TYW1B: variants seen among roughly 807,000 people sequenced by gnomAD.
The protein encoded by TYW1B is S-adenosyl-L-methionine-dependent tRNA 4-demethylwyosine synthase TYW1B.
Under a neutral mutation model 86.9 loss-of-function variants are expected in TYW1B, and 73 were observed. The observed-to-expected ratio is 0.84, with a 90% CI of 0.70 to 1.02. The LOEUF (loss-of-function observed/expected upper bound fraction) is 1.02, where lower values mean the gene tolerates loss of function less well. Ranked by LOEUF, TYW1B falls within the 50% of genes least tolerant of loss-of-function variation. The pLI is 0.00. For missense variants in TYW1B, 637 were observed against 827.4 expected (o/e 0.77, Z 2.82); for synonymous variants, 248 against 292.8 (o/e 0.85, Z 1.56).
At chr7:72,813,330 C>G (rs1355122456) in intron 3 of TYW1B, among the ~76,000 whole-genome samples, 6 of 152,108 alleles carry the variant, frequency 3.9e-5, no homozygotes, top group African/African-American at 1.4e-4. Context: ...CACCCACCAC[C>G]AAGCCCAGCT....
chr7:72,798,645 C>T (rs1159619792), intron 6 of TYW1B, among the ~76,000 whole-genome samples: 1 of 152,068 alleles, frequency 6.6e-6, no homozygotes, highest in Non-Finnish European at 1.5e-5. Flanking sequence ...ACAACTGGGC[C>T]TGCTGGATCA....
At chr7:72,704,030 C>T (rs1158592709) in intron 10 of TYW1B, among the ~76,000 whole-genome samples, 1 of 152,100 alleles carries the variant, frequency 6.6e-6, no homozygotes, top group African/African-American at 2.4e-5. Context: ...TACTACTGTT[C>T]CTCCCGCTTT....
chr7:72,820,976 T>TTTG (rs1339728770), intron 2 of TYW1B, among the ~76,000 whole-genome samples: 1 of 152,090 alleles, frequency 6.6e-6, no homozygotes, highest in Non-Finnish European at 1.5e-5. Context: ...TTAGATTTTT[T>TTTG]TTGTTGTTGT....
At chr7:72,742,138 TGTTTG>T (rs1445378593) in intron 8 of TYW1B, among the ~76,000 whole-genome samples, 1 of 152,218 alleles carries the variant, frequency 6.6e-6, no homozygotes, top group African/African-American at 2.4e-5. Flanking sequence ...GTTTTTCATT[TGTTTG>T]TTTTGAGACA....
intron 11 of TYW1B, among the ~76,000 whole-genome samples, chr7:72,662,897 C>T (rs1554444677): frequency 2.0e-5 from 3 of 152,162 alleles, no homozygotes; most frequent in Non-Finnish European, 4.4e-5. Context: ...TTTCAAATGT[C>T]AACTTGAGAA....
intron 11 of TYW1B, among the ~76,000 whole-genome samples, chr7:72,633,281 C>T (rs1399734648): frequency 2.0e-5 from 3 of 152,186 alleles, no homozygotes; most frequent in African/African-American, 7.2e-5. Context: ...ATGAGTTAGC[C>T]CTGCTCTGCA....
At chr7:72,685,760 T>G (rs1292358583) in intron 11 of TYW1B, among the ~76,000 whole-genome samples, 1 of 152,162 alleles carries the variant, frequency 6.6e-6, no homozygotes, top group East Asian at 1.9e-4. Context: ...AAATAACTTT[T>G]TAGATAGCAA....
chr7:72,598,265 C>T (rs1403916439), intron 13 of TYW1B, among the ~76,000 whole-genome samples: 1 of 152,108 alleles, frequency 6.6e-6, no homozygotes, highest in African/African-American at 2.4e-5. Context: ...TTCCTGCCCT[C>T]GAACATCGGA....
intron 6 of TYW1B, among the ~76,000 whole-genome samples, chr7:72,798,386 G>A (rs35499251): frequency 0.056 from 8,453 of 150,104 alleles, 548 homozygotes; most frequent in East Asian, 0.33. Context: ...GCAAGACTCC[G>A]TCTCAAAAAA....
intron 9 of TYW1B, among the ~76,000 whole-genome samples, chr7:72,714,376 G>C (rs1331329829): frequency 1.3e-5 from 2 of 152,018 alleles, no homozygotes; most frequent in Non-Finnish European, 2.9e-5. Context: ...CAGCACTTTG[G>C]GAGGCCAAGG....
intron 7 of TYW1B, among the ~76,000 whole-genome samples, chr7:72,750,822 G>A (rs1787486840): frequency 6.6e-6 from 1 of 152,100 alleles, no homozygotes; most frequent in African/African-American, 2.4e-5. Context: ...TACTGGTTGT[G>A]CATCTTTAAT....
At chr7:72,631,424 G>A (rs1337163771) in intron 11 of TYW1B, among the ~76,000 whole-genome samples, 1 of 152,106 alleles carries the variant, frequency 6.6e-6, no homozygotes. Flanking sequence ...TGAGGCAAGA[G>A]AATTGCTTCA....
intron 8 of TYW1B, 88 bp downstream of exon 8, chr7:72,744,396 T>C (rs207468086): frequency 1.5e-6 from 2 of 1,337,130 alleles, no homozygotes; most frequent in Non-Finnish European, 2.1e-6. Flanking sequence ...ACAGCAGAGC[T>C]CTTGGGTAAG....
chr7:72,768,557 GC>G (rs1787812361), intron 7 of TYW1B, among the ~76,000 whole-genome samples: 1 of 152,156 alleles, frequency 6.6e-6, no homozygotes, highest in African/African-American at 2.4e-5. Flanking sequence ...GGAGGCCGAG[GC>G]GGGCGGATCA....
At chr7:72,709,573 C>G (rs1206949169) in intron 10 of TYW1B, among the ~76,000 whole-genome samples, 3 of 152,116 alleles carry the variant, frequency 2.0e-5, no homozygotes, top group Non-Finnish European at 4.4e-5. Context: ...GAGGCTGAGG[C>G]AGGAGAATCA....
intron 7 of TYW1B, chr7:72,769,267 A>G: frequency 5.1e-6 from 1 of 194,182 alleles, no homozygotes; most frequent in Non-Finnish European, 1.0e-5. Flanking sequence ...CATTGTGCAT[A>G]TGTATGTGTC....
intron 12 of TYW1B, among the ~76,000 whole-genome samples, chr7:72,627,707 G>A (rs1328958092): frequency 6.6e-6 from 1 of 151,918 alleles, no homozygotes; most frequent in Non-Finnish European, 1.5e-5. Context: ...GAGTATACAG[G>A]ACCACCAGTG....
At chr7:72,630,003 G>T (rs1414839945) in intron 11 of TYW1B, among the ~76,000 whole-genome samples, 1 of 152,196 alleles carries the variant, frequency 6.6e-6, no homozygotes, top group Non-Finnish European at 1.5e-5. Context: ...TTAAGGCCAG[G>T]TGTGGTGGCT....
intron 6 of TYW1B, among the ~76,000 whole-genome samples, chr7:72,783,255 G>A (rs547539600): frequency 3.3e-4 from 50 of 151,888 alleles, no homozygotes; most frequent in East Asian, 9.7e-4. Context: ...AAAATTAGCC[G>A]GGCGTGGTGG....
Sources: gnomAD v4.1 joint callset for allele counts (sites outside exome capture counted in the v4.1 genomes callset) on GRCh38, gnomAD v4.1.1 for gene constraint, MANE v1.5 for transcripts, NCBI Gene and HGNC (gene_info 2026-07-23, HGNC 2026-07-21) for gene names.